Variants in MMP7 observed in about 807,000 individuals in gnomAD.
MMP7 encodes the protein matrilysin.
Under a neutral mutation model 31.5 loss-of-function variants are expected in MMP7, and 26 were observed. That is an observed-to-expected ratio of 0.83 (90% confidence interval 0.61 to 1.15). MMP7 has a LOEUF of 1.15. MMP7 is among the 50% of genes most tolerant of loss of function. The pLI, the probability that MMP7 is intolerant of heterozygous loss-of-function variation, is 0.00. For synonymous variants in MMP7, 142 were observed against 124.2 expected (o/e 1.14, Z -0.95); for missense variants, 367 against 326.5 (o/e 1.12, Z -0.96).
At chr11:102,522,872 G>T (rs753426292) in intron 5 of MMP7, among the ~76,000 whole-genome samples, 4 of 152,212 alleles carry the variant, frequency 2.6e-5, no homozygotes, top group African/African-American at 4.8e-5. Context: ...ATCCTTAGGA[G>T]TGGGCAGCTA....
chr11:102,527,553 G>T lies in MMP7; in HGVS notation c.455C>A (p.Ala152Asp). The change falls in exon 3 of 6, where the codon GCT (alanine) becomes GAT (aspartate). Residue 152 changes from alanine to aspartate, a missense_variant. Coordinates refer to ENST00000260227, the MANE Select transcript of MMP7 (RefSeq NM_002423.5). Reference sequence around the variant, plus strand: ...TCGCGCAAAGCCAATCATGATGTCAGCAGTTCCCCATACAACTTTCCTGAA... The same window carrying T: ...TCGCGCAAAGCCAATCATGATGTCATCAGTTCCCCATACAACTTTCCTGAA... ...LHFRKVVWGT[A>D]DIMIGFARGA... is the part of the protein sequence containing the mutation. 1 of 1,614,164 alleles carries T rather than the reference G, an allele frequency of 6.2e-7. No homozygotes were observed. The highest frequency in any genetic ancestry group is 1.3e-5 in the African/African-American group (1 of 75,038).
At chr11:102,521,551 T>C (rs1330528557) in intron 5 of MMP7, among the ~76,000 whole-genome samples, 3 of 152,306 alleles carry the variant, frequency 2.0e-5, no homozygotes, top group Admixed American at 1.3e-4. Context: ...TTAATCACTT[T>C]CTTTGGAATC....
chr11:102,525,180 C>T, intron 3 of MMP7, 116 bp from the exon 4 acceptor site: 1 of 1,300,216 alleles, frequency 7.7e-7, no homozygotes, highest in Non-Finnish European at 1.0e-6. Context: ...CCAGGCCAGG[C>T]ATGGTGGCTC....
At position 102,530,689 on chromosome 11, in the gene MMP7, G is replaced by A. The variant is rs200794990; in HGVS notation, c.12C>T (p.Thr4=). 102 of 1,613,490 alleles carry A rather than the reference G, an allele frequency of 6.3e-5. No homozygotes were observed. The highest frequency in any genetic ancestry group is 5.3e-4 in the South Asian group (48 of 91,006). Residue 4 remains threonine (T), a synonymous_variant, in exon 1 of 6, where the codon ACC becomes ACT. Transcript: ENST00000260227. ...GCAGCAGGCACACAGCACACAGCAC[G>A]GTGAGTCGCATAGCTGCCGTCCAGA... The part of the protein sequence containing the change: MRL[T]VLCAVCLLPG...
chr11:102,524,791 A>G, intron 4 of MMP7, 145 bp downstream of exon 4: 1 of 854,200 alleles, frequency 1.2e-6, no homozygotes, highest in South Asian at 2.9e-5. Context: ...ATATTACATG[A>G]AATAATGCAT....
intron 5 of MMP7, among the ~76,000 whole-genome samples, chr11:102,522,017 T>A (rs1348655329): frequency 6.6e-6 from 1 of 152,238 alleles, no homozygotes; most frequent in Non-Finnish European, 1.5e-5. Context: ...TTGAGACCCA[T>A]AAAAAGGATT....
chr11:102,524,990 C>A lies in MMP7; in HGVS notation c.559G>T (p.Gly187Ter), dbSNP rs372425855. Residue 187 changes from glycine to a stop codon, truncating the protein, a stop_gained, in exon 4 of 6, where the codon GGA (glycine) becomes TGA (stop). Transcript: ENST00000260227. LOFTEE classifies it high-confidence loss of function. ...AHAFAPGTGL[G>*]GDAHFDEDER... ...TCCTCATCGAAGTGAGCATCTCCTC[C>A]GAGACCTGTCCCAGGCGCAAAGGCA... 1 of 1,613,982 alleles carries A rather than the reference C, an allele frequency of 6.2e-7. No individual in the cohort carries two copies. Among genetic ancestry groups the A allele is most frequent in the African/African-American group, 1.3e-5 (1 of 74,906 alleles).
chr11:102,527,184 C>G (rs1365535277), intron 3 of MMP7: 1 of 300,174 alleles, frequency 3.3e-6, no homozygotes, highest in Non-Finnish European at 6.3e-6. Flanking sequence ...AGTGTTTAAG[C>G]TTTGTGATCT....
chr11:102,530,206 CAA>C (rs1482200504), intron 1 of MMP7, among the ~76,000 whole-genome samples: 1 of 152,110 alleles, frequency 6.6e-6, no homozygotes, highest in Admixed American at 6.5e-5. Context: ...AAAAGAATCT[CAA>C]GTTATAATAA....
In MMP7 at chr11:102,527,631, T is replaced by C. The variant is rs758832361; in HGVS notation, c.377A>G (p.Asp126Gly). Residue 126 changes from aspartate to glycine, a missense_variant, in exon 3 of 6, where the codon GAT (aspartate) becomes GGT (glycine). Physicochemically the swap from Asp to Gly is moderately conservative, Grantham distance 94. Transcript: ENST00000260227. Reference protein sequence around the residue: ...YTRDLPHITVDRLVSKALNMW... With the variant: ...YTRDLPHITVGRLVSKALNMW... ...GTTTAAAGCCTTTGACACTAATCGATCCACTGTAATATGCGGTAAGTCTCG... is the reference window on the plus strand; with the variant it reads ...GTTTAAAGCCTTTGACACTAATCGACCCACTGTAATATGCGGTAAGTCTCG... The C allele has an allele frequency of 6.2e-7, 1 of 1,614,112 alleles. No individual in the cohort carries two copies. The highest frequency in any genetic ancestry group is 1.1e-5 in the South Asian group (1 of 91,080).
intron 5 of MMP7, 52 bp downstream of exon 5, chr11:102,523,188 C>G: frequency 7.1e-7 from 1 of 1,417,388 alleles, no homozygotes; most frequent in Admixed American, 1.8e-5. Context: ...TTTTCCTACC[C>G]CACTCTAAAA....
Position 102,520,641 on chromosome 11 carries a change from T to A in MMP7, c.*135A>T. 1.5e-6 allele frequency: 1 copy of A among 665,288 alleles called. No individual in the cohort carries two copies. The highest frequency in any genetic ancestry group is 2.5e-6 in the Non-Finnish European group (1 of 401,850). The allele number at this position is 665,288 out of a possible 1,614,324, so 41.2% of individuals were successfully genotyped here. On this transcript the variant is annotated 3_prime_UTR_variant, in exon 6 of 6. Coordinates refer to ENST00000260227, the MANE Select transcript of MMP7 (RefSeq NM_002423.5). ...TTATCCTTAAAAGGAGTGAAAGACA[T>A]TCAAAAACCAACTGCAATAAAAAAG...
At chr11:102,521,308 A>G (rs1012010638) in intron 5 of MMP7, among the ~76,000 whole-genome samples, 7 of 151,924 alleles carry the variant, frequency 4.6e-5, no homozygotes, top group Non-Finnish European at 7.4e-5. Flanking sequence ...GGCAATTCTC[A>G]TGCTTCAGCC....
intron 1 of MMP7, 39 bp from the exon 2 acceptor site, chr11:102,528,022 A>G: frequency 6.9e-7 from 1 of 1,446,272 alleles, no homozygotes. Context: ...GTTCTTGTTT[A>G]TTATATTCTT....
Position 102,523,316 on chromosome 11 carries a change from A to G in MMP7, c.699T>C (p.Tyr233=), listed in dbSNP as rs763022685. 6.8e-6 allele frequency: 11 copies of G among 1,613,422 alleles called. No individual in the cohort carries two copies. The Admixed American group carries it at 1.5e-4, about 22-fold the overall frequency. Residue 233 remains tyrosine, a synonymous_variant, in exon 5 of 6, where the codon TAT becomes TAC. Transcript: ENST00000260227. ...GGGGATCTCCATTTCCATAGGTTGG[A>G]TACATCACTGCATTAGGATCAGAGG... is the stretch of plus-strand genomic sequence containing the variant. ...GHSSDPNAVM[Y]PTYGNGDPQN...
chr11:102,528,361 G>C (rs17884924), intron 1 of MMP7, among the ~76,000 whole-genome samples: 1 of 152,176 alleles, frequency 6.6e-6, no homozygotes, highest in African/African-American at 2.4e-5. Context: ...TAGACCCTGT[G>C]GGGGAGATCT....
intron 4 of MMP7, 23 bp from the exon 5 acceptor site, chr11:102,523,424 C>G (rs1858635883): frequency 1.9e-6 from 3 of 1,548,642 alleles, no homozygotes; most frequent in East Asian, 2.3e-5. Context: ...AAGTGACAAA[C>G]AGTAATGATA....
At chr11:102,527,045 A>G (rs1168719916) in intron 3 of MMP7, 1 of 178,540 alleles carries the variant, frequency 5.6e-6, no homozygotes, top group East Asian at 1.5e-4. Context: ...GCACAGTGAC[A>G]AGATTGCCAA....
intron 4 of MMP7, among the ~76,000 whole-genome samples, chr11:102,523,803 A>G (rs1436147596): frequency 6.6e-6 from 1 of 152,198 alleles, no homozygotes; most frequent in Non-Finnish European, 1.5e-5. Context: ...TGTTAAACAG[A>G]GACAGTAATT....
Sources: allele counts gnomAD v4.1 joint callset (sites outside exome capture counted in the v4.1 genomes callset), GRCh38; gene constraint gnomAD v4.1.1; transcripts MANE v1.5; gene names NCBI Gene and HGNC (gene_info 2026-07-23, HGNC 2026-07-21).